SAXO1: variants seen among roughly 807,000 people sequenced by gnomAD.
SAXO1 encodes 4930500O09Rik.
A neutral mutation model predicts 17.5 loss-of-function variants in SAXO1; 21 were observed. The ratio of observed to expected loss-of-function variants is 1.20; its 90% CI spans 0.85 to 1.72. The LOEUF (loss-of-function observed/expected upper bound fraction) is 1.72. SAXO1 is among the 40% of genes most tolerant of loss of function. The probability of loss-of-function intolerance (pLI) is 0.00; values close to 1 mark genes in which losing one functional copy is unlikely to be tolerated. For synonymous variants in SAXO1, 274 were observed against 216.5 expected (o/e 1.27, Z -2.33); for missense variants, 843 against 596.0 (o/e 1.41, Z -4.32).
At chr9:18,952,636 A>G (rs776727202) in intron 1 of SAXO1, among the ~76,000 whole-genome samples, 1 of 152,214 alleles carries the variant, frequency 6.6e-6, no homozygotes, top group Non-Finnish European at 1.5e-5. Flanking sequence ...ATGCCTTAAG[A>G]AGGCATGAAA....
At chr9:19,044,624 G>A (rs1836160472) in intron 1 of SAXO1, among the ~76,000 whole-genome samples, 1 of 152,158 alleles carries the variant, frequency 6.6e-6, no homozygotes, top group Admixed American at 6.5e-5. Context: ...AGTACTTTGG[G>A]AGGCTGAGGC....
chr9:18,955,348 A>G (rs1474363373), intron 1 of SAXO1, among the ~76,000 whole-genome samples: 1 of 152,190 alleles, frequency 6.6e-6, no homozygotes, highest in Non-Finnish European at 1.5e-5. Context: ...ACTCTTTCTT[A>G]CTACACTTCA....
chr9:18,927,928 G>C lies in SAXO1; in HGVS notation c.*124C>G. ...CTCATTTTATTCAAGTGCTCTGGAA[G>C]TGGTGAAGGTTTTTTGTTTTTTGTT... On this transcript the variant is annotated 3_prime_UTR_variant, in exon 4 of 4. Coordinates refer to ENST00000380534, the MANE Select transcript of SAXO1 (RefSeq NM_153707.4). 4 of 1,042,772 alleles carry C rather than the reference G, an allele frequency of 3.8e-6. No individual in the cohort carries two copies. The highest frequency in any genetic ancestry group is 1.6e-5 in the African/African-American group (1 of 62,978). The allele number at this position is 1,042,772 out of a possible 1,614,324, so 64.6% of individuals were successfully genotyped here. A position where few individuals can be genotyped will look rare whatever the true frequency, so the allele number is the denominator to read the frequency against.
Position 18,975,977 on chromosome 9 carries a change from A to T in SAXO1, c.39-25040T>A, listed in dbSNP as rs370276543. Among the ~76,000 whole-genome samples the T allele has an allele frequency of 6.6e-5, 10 of 152,340 alleles. No individual in the cohort carries two copies. In the East Asian group the frequency reaches 1.7e-3, roughly 26 times the overall value. ...TACAGCAGTACTTTAGCACCTCGGC[A>T]CTACTAGACTACTTATCATTCCCTG... On this transcript the variant is annotated intron_variant, in intron 1 of 3. Transcript: ENST00000380534.
chr9:18,993,065 G>A (rs768767679), intron 1 of SAXO1, among the ~76,000 whole-genome samples: 3 of 151,932 alleles, frequency 2.0e-5, no homozygotes, highest in South Asian at 2.1e-4. Context: ...CTTCCAAAGT[G>A]CTGAGATTAC....
chr9:18,928,735 T>A lies in SAXO1; in HGVS notation c.742A>T (p.Met248Leu). Reference protein sequence around the residue: ...TTQKQSYRGLMGEPAKSLKPL... With the variant: ...TTQKQSYRGLLGEPAKSLKPL... Reference sequence around the variant, plus strand: ...TTCAAGCTCTTGGCAGGCTCCCCCATCAGGCCCCGGTAGGATTGTTTTTGA... The same window carrying A: ...TTCAAGCTCTTGGCAGGCTCCCCCAACAGGCCCCGGTAGGATTGTTTTTGA... Residue 248 changes from methionine to leucine, a missense_variant, in exon 4 of 4, where the codon ATG becomes TTG. Transcript: ENST00000380534. The A allele has an allele frequency of 6.2e-7, 1 of 1,614,074 alleles. No homozygotes were observed. The highest frequency in any genetic ancestry group is 1.1e-5 in the South Asian group (1 of 91,074).
intron 1 of SAXO1, among the ~76,000 whole-genome samples, chr9:18,970,206 T>C (rs1235027169): frequency 6.6e-6 from 1 of 152,214 alleles, no homozygotes; most frequent in Non-Finnish European, 1.5e-5. Flanking sequence ...GTTAAATGTC[T>C]CATAAAATTA....
chr9:18,949,251 T>C (rs6475272), intron 2 of SAXO1, among the ~76,000 whole-genome samples: 122,461 of 152,114 alleles, frequency 0.81, 49,795 homozygotes, highest in African/African-American at 0.93. Context: ...TTAGAATAAA[T>C]ATAATCATCT....
At position 18,928,414 on chromosome 9, in the gene SAXO1, C is replaced by A. The variant is rs147428758; in HGVS notation, c.1063G>T (p.Val355Phe). 1 of 1,609,486 alleles carries A rather than the reference C, an allele frequency of 6.2e-7. No individual in the cohort carries two copies. Among genetic ancestry groups the A allele is most frequent in the African/African-American group, 1.3e-5 (1 of 74,810 alleles). ...AAGTCCAGCTGGGGAACGGGCTTGA[C>A]TGGCTCTGTGCGCATGCTGGACCAC... The part of the protein sequence containing the change: ...KQWSSMRTEP[V>F]KPVPQLDLPT... The change falls in exon 4 of 4, where the codon GTC (valine) becomes TTC (phenylalanine). Residue 355 changes from valine to phenylalanine, a missense_variant. Transcript: ENST00000380534.
chr9:18,973,487 G>A (rs1031926625), intron 1 of SAXO1, among the ~76,000 whole-genome samples: 1 of 152,198 alleles, frequency 6.6e-6, no homozygotes, highest in Non-Finnish European at 1.5e-5. Flanking sequence ...TATCTCTAGT[G>A]CACACACACA....
chr9:18,937,831 A>T (rs1412743469), intron 3 of SAXO1, among the ~76,000 whole-genome samples: 2 of 152,170 alleles, frequency 1.3e-5, no homozygotes, highest in African/African-American at 4.8e-5. Context: ...CGAGAAATAA[A>T]TGTCTTATTT....
chr9:18,937,371 G>A (rs956804915), intron 3 of SAXO1, among the ~76,000 whole-genome samples: 1 of 152,126 alleles, frequency 6.6e-6, no homozygotes, highest in Non-Finnish European at 1.5e-5. Flanking sequence ...TTCATCCATT[G>A]AGTCCCTCAC....
In SAXO1 at chr9:18,977,993, C is replaced by CAAAAAAAA. The variant is rs371914686; in HGVS notation, c.39-27064_39-27057dup. 3.0e-4 allele frequency among the ~76,000 whole-genome samples: 30 copies of CAAAAAAAA among 98,650 alleles called. 1 individual carries two copies. The highest frequency in any genetic ancestry group is 1.2e-3 in the African/African-American group (28 of 23,742). 64.7% of individuals were successfully genotyped at this position (98,650 alleles called of 152,430 possible). On this transcript the variant is annotated intron_variant, in intron 1 of 3. Transcript: ENST00000380534. The stretch of plus-strand genomic sequence containing the variant: ...CCTGGGTAAGAGAATGAGACCCTGC[C>CAAAAAAAA]AAAAAAAAAAAAAAAAAAAAAAAAA...
At chr9:18,970,919 G>A (rs1009713016) in intron 1 of SAXO1, among the ~76,000 whole-genome samples, 3 of 152,154 alleles carry the variant, frequency 2.0e-5, no homozygotes, top group Non-Finnish European at 4.4e-5. Context: ...TAGCCTCCGT[G>A]TCAGGTTTTC....
In SAXO1 at chr9:19,001,395, C is replaced by T. The variant is rs2383082; in HGVS notation, c.38+31476G>A. Among the ~76,000 whole-genome samples the T allele has an allele frequency of 3.0e-3, 458 of 151,928 alleles. 8 individuals carry two copies. The South Asian group carries it at 0.044, about 15-fold the overall frequency. On this transcript the variant is annotated intron_variant, in intron 1 of 3. Transcript: ENST00000380534. ...TAAAGATGTTCTTTGAAGCCAGGTG[C>T]GGTGGCTCACACCTGTAATCCCAGC...
intron 1 of SAXO1, among the ~76,000 whole-genome samples, chr9:18,982,927 A>G (rs1480323508): frequency 6.6e-6 from 1 of 152,182 alleles, no homozygotes; most frequent in East Asian, 1.9e-4. Flanking sequence ...GTTTTGATAG[A>G]TGTATTTCAT....
intron 2 of SAXO1, among the ~76,000 whole-genome samples, chr9:18,950,245 A>G (rs933950158): frequency 1.3e-5 from 2 of 151,912 alleles, no homozygotes; most frequent in African/African-American, 4.8e-5. Context: ...TTATTTGTTC[A>G]TCTTTCTTGA....
chr9:18,951,671 T>C (rs549356225), intron 1 of SAXO1, among the ~76,000 whole-genome samples: 9 of 152,350 alleles, frequency 5.9e-5, no homozygotes, highest in Admixed American at 2.6e-4. Context: ...ACCCTGTGTA[T>C]GCCTGTCCCA....
chr9:19,016,306 C>T (rs1206741976), intron 1 of SAXO1, among the ~76,000 whole-genome samples: 1 of 152,106 alleles, frequency 6.6e-6, no homozygotes, highest in Non-Finnish European at 1.5e-5. Flanking sequence ...CATGGTGGTG[C>T]ACGCCTGTAG....
Sources: allele counts gnomAD v4.1 joint callset (sites outside exome capture counted in the v4.1 genomes callset), GRCh38; gene constraint gnomAD v4.1.1; transcripts MANE v1.5; gene names NCBI Gene and HGNC (gene_info 2026-07-23, HGNC 2026-07-21).